Variants in WSCD2 observed in about 807,000 individuals in gnomAD.
WSCD2 encodes the protein WSC domain sialate O sulfotransferase 2, also known as sialate:O-sulfotransferase 2.
Under a neutral mutation model 55.7 loss-of-function variants are expected in WSCD2, and 28 were observed. The ratio of observed to expected loss-of-function variants is 0.50; its 90% CI spans 0.37 to 0.69. The LOEUF (loss-of-function observed/expected upper bound fraction) is 0.69. Among genes scored for constraint, WSCD2 ranks in the 30% least tolerant of loss-of-function variants. The pLI is 0.00. For missense variants in WSCD2, 616 were observed against 762.1 expected (o/e 0.81, Z 2.26); for synonymous variants, 301 against 301.9 (o/e 1.00, Z 0.03).
intron 1 of WSCD2, among the ~76,000 whole-genome samples, chr12:108,145,700 G>A (rs538567779): frequency 6.6e-6 from 1 of 152,252 alleles, no homozygotes; most frequent in Admixed American, 6.5e-5. Flanking sequence ...ACTCATAACT[G>A]TGAAAAACAG....
At chr12:108,222,761 G>A (rs1176530424) in intron 4 of WSCD2, among the ~76,000 whole-genome samples, 2 of 152,022 alleles carry the variant, frequency 1.3e-5, no homozygotes, top group African/African-American at 4.8e-5. Context: ...CACTTTTTTT[G>A]TCTTTATTAC....
intron 3 of WSCD2, among the ~76,000 whole-genome samples, chr12:108,208,009 C>T (rs1373649984): frequency 1.3e-5 from 2 of 152,030 alleles, no homozygotes; most frequent in Non-Finnish European, 2.9e-5. Flanking sequence ...GTCTAAGCTG[C>T]CTGGGGTGAA....
intron 2 of WSCD2, among the ~76,000 whole-genome samples, chr12:108,198,026 G>A (rs559479239): frequency 3.7e-4 from 55 of 150,604 alleles, no homozygotes; most frequent in African/African-American, 9.0e-4. Context: ...AGACCATCCC[G>A]GAGCATCCTA....
At chr12:108,187,658 C>T (rs1286304865) in intron 1 of WSCD2, among the ~76,000 whole-genome samples, 1 of 152,188 alleles carries the variant, frequency 6.6e-6, no homozygotes, top group Non-Finnish European at 1.5e-5. Context: ...ATAGTTGGTG[C>T]TCAATAAATA....
chr12:108,156,349 G>T (rs1330789797), intron 1 of WSCD2, among the ~76,000 whole-genome samples: 1 of 152,204 alleles, frequency 6.6e-6, no homozygotes, highest in Middle Eastern at 3.2e-3. Context: ...AACAAGTCAG[G>T]TTAGCTCAGC....
Position 108,206,313 on chromosome 12 carries a change from AT to A in WSCD2, c.408del (p.Asp136GlufsTer19), listed in dbSNP as rs1228296707. Reference protein sequence around the residue: ...ERAKYIGCYLDDTQSRALRGV... With the variant: ...ERAKYIGCYLXDTQSRALRGV... ...GCCAAGTACATCGGCTGCTACCTGGATGACACCCAGAGTCGGGCCCTTCGAG... is the reference window on the plus strand; with the variant it reads ...GCCAAGTACATCGGCTGCTACCTGGAGACACCCAGAGTCGGGCCCTTCGAG... On this transcript the variant is annotated frameshift_variant, in exon 3 of 9. Transcript: ENST00000547525. LOFTEE classifies it high-confidence loss of function. The A allele has an allele frequency of 6.2e-7, 1 of 1,614,074 alleles. No homozygotes were observed.
In WSCD2 at chr12:108,248,023, T is replaced by TG; in HGVS notation, c.1380dup (p.Trp461ValfsTer21). 6.2e-7 allele frequency: 1 copy of TG among 1,614,090 alleles called. No homozygotes were observed. The highest frequency in any genetic ancestry group is 8.5e-7 in the Non-Finnish European group (1 of 1,179,958). Reference sequence around the variant, plus strand: ...AGAGTTCGTGAGGAACTATGCCCCGTGGTGGGCCACTCACACACTGGACTG... The same window carrying TG: ...AGAGTTCGTGAGGAACTATGCCCCGTGGGTGGGCCACTCACACACTGGACTG... On this transcript the variant is annotated frameshift_variant, in exon 9 of 9. Transcript: ENST00000547525. LOFTEE classifies it high-confidence loss of function. This position sits in a 1 kb window ranked among gnomAD's most constrained non-coding sequence, Gnocchi z 4.3.
At position 108,190,020 on chromosome 12, in the gene WSCD2, A is replaced by C. The variant is rs534059578; in HGVS notation, c.-551-5262A>C. ...TGCACCTAATACATATAGATATGAT[A>C]TATTTGTATATATTGACTTATTTAG... is the stretch of plus-strand genomic sequence containing the variant. On this transcript the variant is annotated intron_variant, in intron 1 of 8. Transcript: ENST00000547525. Among the ~76,000 whole-genome samples, 13 of 152,332 alleles carry C rather than the reference A, an allele frequency of 8.5e-5. No homozygotes were observed. The South Asian group carries it at 2.7e-3, about 32-fold the overall frequency.
chr12:108,163,253 C>G (rs1879248165), intron 1 of WSCD2, among the ~76,000 whole-genome samples: 1 of 152,122 alleles, frequency 6.6e-6, no homozygotes, highest in Admixed American at 6.5e-5. Context: ...CCTGTAGTCC[C>G]AGCTTCTTGG....
chr12:108,211,140 A>T (rs1019986912), intron 4 of WSCD2, among the ~76,000 whole-genome samples: 1 of 152,226 alleles, frequency 6.6e-6, no homozygotes, highest in East Asian at 1.9e-4. Flanking sequence ...ACTGTTGTTC[A>T]TTATCCCCAA....
At chr12:108,234,613 C>A (rs1889105241) in intron 7 of WSCD2, among the ~76,000 whole-genome samples, 1 of 152,190 alleles carries the variant, frequency 6.6e-6, no homozygotes, top group African/African-American at 2.4e-5. Flanking sequence ...ATGATCTTAA[C>A]CCCTATGCTG....
At chr12:108,137,995 G>A (rs1478461323) in intron 1 of WSCD2, among the ~76,000 whole-genome samples, 1 of 152,218 alleles carries the variant, frequency 6.6e-6, no homozygotes, top group African/African-American at 2.4e-5. Flanking sequence ...CTCAGCCTCA[G>A]TGGCATCCGC....
chr12:108,151,353 C>T lies in WSCD2; in HGVS notation c.-552+21427C>T, dbSNP rs148875236. On this transcript the variant is annotated intron_variant, in intron 1 of 8. Coordinates refer to ENST00000547525, the MANE Select transcript of WSCD2 (RefSeq NM_014653.4). ...TGTCTCCAGACATTGACAAATGTCC[C>T]CTTGATGCAGGTGGAGAGGGGGAAA... Among the ~76,000 whole-genome samples the T allele has an allele frequency of 1.8e-3, 275 of 152,190 alleles. 3 individuals carry two copies. The highest frequency in any genetic ancestry group is 6.2e-3 in the African/African-American group (257 of 41,512).
At chr12:108,131,692 A>C (rs1875524939) in intron 1 of WSCD2, 1 of 152,212 alleles carries the variant, frequency 6.6e-6, no homozygotes, top group African/African-American at 2.4e-5. Context: ...CCTTGACTAC[A>C]TGGCAGGGCC....
intron 4 of WSCD2, among the ~76,000 whole-genome samples, chr12:108,212,749 C>T (rs1321474846): frequency 1.3e-5 from 2 of 152,182 alleles, no homozygotes; most frequent in Non-Finnish European, 2.9e-5. Context: ...CCCTCACCTG[C>T]CCCCTTCTGT....
rs188441491 is a variant in WSCD2, at chr12:108,151,550, A to G, written c.-552+21624A>G. ...GAAGTGGATTCAACTCTTATTATGT[A>G]TTTGGGGAAATTGATGTTCAGAGGG... On this transcript the variant is annotated intron_variant, in intron 1 of 8. Coordinates refer to ENST00000547525, the MANE Select transcript of WSCD2 (RefSeq NM_014653.4). 7.2e-4 allele frequency among the ~76,000 whole-genome samples: 110 copies of G among 152,308 alleles called. 2 individuals are homozygous for G. The highest frequency in any genetic ancestry group is 7.9e-4 in the Non-Finnish European group (54 of 68,018).
rs541415045 is a variant in WSCD2, at chr12:108,183,701, C to T, written c.-551-11581C>T. Among the ~76,000 whole-genome samples the T allele has an allele frequency of 2.0e-5, 3 of 152,288 alleles. No homozygotes were observed. The South Asian group carries it at 6.2e-4, about 32-fold the overall frequency. ...TACAGAAAGCCTCCAAATCACTCCACTTGCCCCACAGAGAGGAGGCCCCGA... is the reference window on the plus strand; with the variant it reads ...TACAGAAAGCCTCCAAATCACTCCATTTGCCCCACAGAGAGGAGGCCCCGA... On this transcript the variant is annotated intron_variant, in intron 1 of 8. Coordinates refer to ENST00000547525, the MANE Select transcript of WSCD2 (RefSeq NM_014653.4).
At chr12:108,205,109 A>C (rs1010039077) in intron 2 of WSCD2, among the ~76,000 whole-genome samples, 2 of 152,172 alleles carry the variant, frequency 1.3e-5, no homozygotes, top group Non-Finnish European at 2.9e-5. Flanking sequence ...GCCGCTGTTA[A>C]ATCATCTAAG....
intron 3 of WSCD2, among the ~76,000 whole-genome samples, chr12:108,207,623 G>A (rs1036616329): frequency 5.7e-5 from 8 of 141,564 alleles, no homozygotes; most frequent in African/African-American, 1.6e-4. Context: ...TCCTGACCTC[G>A]TGATCTGCCC....
Sources: allele counts gnomAD v4.1 joint callset (sites outside exome capture counted in the v4.1 genomes callset), GRCh38; gene constraint gnomAD v4.1.1; non-coding constraint Gnocchi (gnomAD v3.1); transcripts MANE v1.5; gene names NCBI Gene and HGNC (gene_info 2026-07-23, HGNC 2026-07-21).